Variants in DCLK3 observed in about 807,000 individuals in gnomAD.
DCLK3 encodes serine/threonine-protein kinase DCLK3.
Under a neutral mutation model 46.4 loss-of-function variants are expected in DCLK3, and 30 were observed. The observed-to-expected ratio is 0.65, with a 90% CI of 0.48 to 0.88. The LOEUF (loss-of-function observed/expected upper bound fraction) is 0.88. Among genes scored for constraint, DCLK3 ranks in the 40% least tolerant of loss-of-function variants. The probability of loss-of-function intolerance (pLI) is 0.00; values close to 1 mark genes in which losing one functional copy is unlikely to be tolerated. For missense variants in DCLK3, 846 were observed against 907.1 expected (o/e 0.93, Z 0.87); for synonymous variants, 401 against 339.2 (o/e 1.18, Z -2.00).
intron 2 of DCLK3, among the ~76,000 whole-genome samples, chr3:36,724,173 C>T (rs757252922): frequency 3.0e-4 from 45 of 152,176 alleles, no homozygotes; most frequent in Admixed American, 9.8e-4. Context: ...TTTCATGGGG[C>T]CTGTGGCCCC....
At chr3:36,726,502 G>A (rs1414419648) in intron 2 of DCLK3, among the ~76,000 whole-genome samples, 1 of 152,122 alleles carries the variant, frequency 6.6e-6, no homozygotes, top group Admixed American at 6.5e-5. Context: ...ACCAGTGCCT[G>A]GACAGGTGGG....
chr3:36,752,338 G>A (rs538430599), intron 1 of DCLK3, among the ~76,000 whole-genome samples: 75 of 152,236 alleles, frequency 4.9e-4, no homozygotes, highest in Non-Finnish European at 9.3e-4. Context: ...TTGCTTGGCC[G>A]CACTCCCCAC....
intron 1 of DCLK3, among the ~76,000 whole-genome samples, chr3:36,741,535 C>T (rs1253466927): frequency 6.6e-6 from 1 of 152,122 alleles, no homozygotes; most frequent in East Asian, 1.9e-4. Context: ...GTAATGAAAT[C>T]CAATGGAAGT....
chr3:36,721,376 G>T, intron 3 of DCLK3, 151 bp downstream of exon 3: 2 of 1,088,076 alleles, frequency 1.8e-6, no homozygotes, highest in Non-Finnish European at 2.6e-6. Context: ...CTTTGGTCAA[G>T]CCTACTTCAA....
intron 2 of DCLK3, among the ~76,000 whole-genome samples, chr3:36,733,719 T>A (rs899524951): frequency 1.3e-5 from 2 of 152,176 alleles, no homozygotes; most frequent in African/African-American, 4.8e-5. Context: ...CTCAGGAGTC[T>A]AAATAACCCT....
At chr3:36,746,321 G>A (rs1023870226) in intron 1 of DCLK3, among the ~76,000 whole-genome samples, 2 of 152,102 alleles carry the variant, frequency 1.3e-5, no homozygotes, top group African/African-American at 2.4e-5. Context: ...TAAGCTACTC[G>A]CAAATTTAAA....
In DCLK3 at chr3:36,738,727, A is replaced by T; in HGVS notation, c.440T>A (p.Phe147Tyr). 1 of 1,314,564 alleles carries T rather than the reference A, an allele frequency of 7.6e-7. No individual in the cohort carries two copies. Among genetic ancestry groups the T allele is most frequent in the Non-Finnish European group, 9.7e-7 (1 of 1,025,820 alleles). 81.4% of individuals were successfully genotyped at this position (1,314,564 alleles called of 1,614,324 possible). ...CCTGATTTCCCTGCCCTTGAGGTTA[A>T]ACAGTTTCCTCACACGGTCATTCTT... ...RWKNDRVRKLFNLKGREIRSV... is the reference protein window; with the variant it reads ...RWKNDRVRKLYNLKGREIRSV... The change falls in exon 2 of 5, where the codon TTT becomes TAT. Residue 147 changes from phenylalanine to tyrosine, a missense_variant. Around this residue, in one of 3 missense-constraint regions of DCLK3, gnomAD observed 553 missense variants for 543.0 expected, o/e 1.02. Coordinates refer to ENST00000636136, the MANE Select transcript of DCLK3 (RefSeq NM_001394672.2).
At chr3:36,728,749 A>C (rs567904038) in intron 2 of DCLK3, among the ~76,000 whole-genome samples, 1 of 152,072 alleles carries the variant, frequency 6.6e-6, no homozygotes, top group Non-Finnish European at 1.5e-5. Context: ...CCCCTAATAA[A>C]TCCCCTCTCA....
chr3:36,727,378 C>T (rs1020511514), intron 2 of DCLK3, among the ~76,000 whole-genome samples: 2 of 152,166 alleles, frequency 1.3e-5, no homozygotes, highest in Non-Finnish European at 2.9e-5. Flanking sequence ...ATAAGTGAAA[C>T]ATTACCTTCC....
rs9811038 is a variant in DCLK3, at chr3:36,713,199, C to G, written c.*2129G>C. The G allele has an allele frequency of 0.79, 120,588 of 152,102 alleles. 47,896 individuals carry two copies. The highest frequency in any genetic ancestry group is 0.83 in the Middle Eastern group (245 of 294). 9.4% of individuals were successfully genotyped at this position (152,102 alleles called of 1,614,324 possible). A position where few individuals can be genotyped will look rare whatever the true frequency, so the allele number is the denominator to read the frequency against. ...TGCATTTCCCTAGCCACTAAGGATG[C>G]AACTACAGCTTTTAGCAACTGGAAG... On this transcript the variant is annotated 3_prime_UTR_variant, in exon 5 of 5. Coordinates refer to ENST00000636136, the MANE Select transcript of DCLK3 (RefSeq NM_001394672.2).
Position 36,738,322 on chromosome 3 carries a change from GTGGCTTCCCTGGGGGGCTT to G in DCLK3, c.826_844del (p.Lys276LeufsTer66), listed in dbSNP as rs745990679. 1.3e-6 allele frequency: 2 copies of G among 1,510,008 alleles called. No homozygotes were observed. The highest frequency in any genetic ancestry group is 8.8e-7 in the Non-Finnish European group (1 of 1,132,390). The allele number at this position is 1,510,008 out of a possible 1,614,324, so 93.5% of individuals were successfully genotyped here. A position where few individuals can be genotyped will look rare whatever the true frequency, so the allele number is the denominator to read the frequency against. On this transcript the variant is annotated frameshift_variant, in exon 2 of 5. Transcript: ENST00000636136. LOFTEE classifies it high-confidence loss of function. ...TCCCCTTGCGTGCCTCTCTTCCAGA[GTGGCTTCCCTGGGGGGCTT>G]GCTACTGGGTTCTGGCTCCCATTTC...
At chr3:36,757,784 C>T (rs186905303) in intron 1 of DCLK3, among the ~76,000 whole-genome samples, 8 of 152,264 alleles carry the variant, frequency 5.3e-5, no homozygotes, top group East Asian at 1.9e-4. Context: ...TCATCCTGGT[C>T]GGTGGTACCA....
intron 2 of DCLK3, among the ~76,000 whole-genome samples, chr3:36,732,884 C>T (rs967018296): frequency 1.3e-5 from 2 of 152,152 alleles, no homozygotes; most frequent in Non-Finnish European, 2.9e-5. Flanking sequence ...TCAGTGACTC[C>T]TTCTTGTATA....
chr3:36,737,529 C>G lies in DCLK3; in HGVS notation c.1638G>C (p.Glu546Asp), dbSNP rs1374092903. Residue 546 changes from glutamate (E) to aspartate (D), a missense_variant, in exon 2 of 5, where the codon GAG becomes GAC. Coordinates refer to ENST00000636136, the MANE Select transcript of DCLK3 (RefSeq NM_001394672.2). The surrounding 1 kb of genome is among the most constrained non-coding windows in gnomAD (Gnocchi z 4.4). ...TCTTCATCGCATAGGCCTGCCTGGT[C>G]TCGCGGTGTCTGCACTCCTTCACGA... ...FAVVKECRHRETRQAYAMKII... is the reference protein window; with the variant it reads ...FAVVKECRHRDTRQAYAMKII... 3.1e-6 allele frequency: 5 copies of G among 1,614,070 alleles called. No homozygotes were observed. In the South Asian group the frequency reaches 4.4e-5, roughly 14 times the overall value.
intron 2 of DCLK3, among the ~76,000 whole-genome samples, chr3:36,730,917 A>G (rs890618463): frequency 3.9e-5 from 6 of 152,038 alleles, no homozygotes; most frequent in African/African-American, 1.5e-4. Flanking sequence ...AGGGGCATGC[A>G]TGGTTTGATG....
At chr3:36,763,933 A>G (rs1405609067) in intron 1 of DCLK3, among the ~76,000 whole-genome samples, 1 of 152,136 alleles carries the variant, frequency 6.6e-6, no homozygotes, top group Non-Finnish European at 1.5e-5. Flanking sequence ...AGCTCCGGAG[A>G]GCGTTATTCC....
intron 1 of DCLK3, among the ~76,000 whole-genome samples, chr3:36,757,609 T>A (rs190346005): frequency 6.6e-6 from 1 of 152,326 alleles, no homozygotes; most frequent in East Asian, 1.9e-4. Flanking sequence ...CACTAATTAA[T>A]GTCCCATAGA....
chr3:36,750,183 C>T (rs571549475), intron 1 of DCLK3, among the ~76,000 whole-genome samples: 2 of 152,260 alleles, frequency 1.3e-5, no homozygotes, highest in South Asian at 2.1e-4. Context: ...CGGGTTCAAG[C>T]GACTCTCCTG....
At chr3:36,762,168 T>C (rs543493093) in intron 1 of DCLK3, among the ~76,000 whole-genome samples, 45 of 152,306 alleles carry the variant, frequency 3.0e-4, no homozygotes, top group Non-Finnish European at 5.3e-4. Flanking sequence ...ATCCGTTGCC[T>C]GGGCATGGGG....
Sources: gnomAD v4.1 joint callset for allele counts (sites outside exome capture counted in the v4.1 genomes callset) on GRCh38, gnomAD v4.1.1 for gene constraint, gnomAD v4.1.1 regional missense constraint, Gnocchi (gnomAD v3.1) non-coding constraint, MANE v1.5 for transcripts, NCBI Gene and HGNC (gene_info 2026-07-23, HGNC 2026-07-21) for gene names.